The following ZNF433 variants were observed in gnomAD, a reference collection of about 807,000 sequenced individuals.
ZNF433 encodes the protein zinc finger protein 433.
Under a neutral mutation model 10.6 loss-of-function variants are expected in ZNF433, and 12 were observed. The observed-to-expected ratio is 1.13, with a 90% CI of 0.72 to 1.83. ZNF433 has a LOEUF of 1.83. Ranked by LOEUF, ZNF433 falls within the 40% of genes most tolerant of loss-of-function variation. The probability of loss-of-function intolerance (pLI) is 0.00; values close to 1 mark genes in which losing one functional copy is unlikely to be tolerated. For missense variants in ZNF433, 737 were observed against 798.0 expected (o/e 0.92, Z 0.92); for synonymous variants, 272 against 271.3 (o/e 1.00, Z -0.02).
chr19:12,026,423 A>C, intron 1 of ZNF433: 1 of 304,506 alleles, frequency 3.3e-6, no homozygotes. Context: ...ACAACCAGTC[A>C]CAATGAGTAA....
intron 1 of ZNF433, among the ~76,000 whole-genome samples, chr19:12,019,315 G>A (rs1974376120): frequency 6.6e-6 from 1 of 152,014 alleles, no homozygotes; most frequent in African/African-American, 2.4e-5. Context: ...CACTACTTGG[G>A]AGGCTGGGGC....
intron 1 of ZNF433, 104 bp from the exon 2 acceptor site, chr19:12,018,396 A>T (rs1974322265): frequency 7.4e-7 from 1 of 1,359,742 alleles, no homozygotes; most frequent in African/African-American, 1.5e-5. Context: ...GACTCAAAAC[A>T]ATTATTCCAT....
chr19:12,031,485 A>G (rs1368129456), intron 1 of ZNF433, among the ~76,000 whole-genome samples: 1 of 151,802 alleles, frequency 6.6e-6, no homozygotes, highest in Non-Finnish European at 1.5e-5. Flanking sequence ...CCCCTTCTCA[A>G]CTAAAAAAAA....
At chr19:12,029,934 T>A (rs1007143005) in intron 1 of ZNF433, among the ~76,000 whole-genome samples, 3 of 151,452 alleles carry the variant, frequency 2.0e-5, no homozygotes, top group African/African-American at 7.3e-5. Context: ...TACAAAAAAT[T>A]AGCTGGGCAC....
chr19:12,034,140 T>A (rs1261659176), intron 1 of ZNF433, among the ~76,000 whole-genome samples: 1 of 152,240 alleles, frequency 6.6e-6, no homozygotes, highest in Non-Finnish European at 1.5e-5. Context: ...TACTAACTTA[T>A]GTGACGGTAT....
chr19:12,020,180 G>A (rs1218964590), intron 1 of ZNF433, among the ~76,000 whole-genome samples: 1 of 152,144 alleles, frequency 6.6e-6, no homozygotes, highest in Non-Finnish European at 1.5e-5. Context: ...GCTGAGGCAG[G>A]AGAATCACTT....
At chr19:12,021,361 T>C (rs796509398) in intron 1 of ZNF433, among the ~76,000 whole-genome samples, 4 of 152,296 alleles carry the variant, frequency 2.6e-5, no homozygotes, top group African/African-American at 9.6e-5. Flanking sequence ...AGCCCAGTTA[T>C]AGCAAAAAGC....
intron 1 of ZNF433, among the ~76,000 whole-genome samples, chr19:12,035,228 C>A (rs1242352442): frequency 6.6e-6 from 1 of 152,214 alleles, no homozygotes; most frequent in African/African-American, 2.4e-5. Context: ...AGGCGGGATC[C>A]CCCCATGACC....
chr19:12,019,404 C>T lies in ZNF433; in HGVS notation c.4-1112G>A, dbSNP rs147770888. 5.9e-5 allele frequency among the ~76,000 whole-genome samples: 9 copies of T among 152,100 alleles called. No homozygotes were observed. In the East Asian group the frequency reaches 1.7e-3, roughly 29 times the overall value. On this transcript the variant is annotated intron_variant, in intron 1 of 3. Transcript: ENST00000550507. ...CACTGCACTCCAGCTTGGGCAACAG[C>T]AAGACTCCATCACAAAAAAACCACT... is the stretch of plus-strand genomic sequence containing the variant.
Position 12,014,755 on chromosome 19 carries a change from T to A in ZNF433, c.*90A>T, listed in dbSNP as rs1171941261. The A allele has an allele frequency of 1.1e-5, 10 of 949,362 alleles. No homozygotes were observed. Among genetic ancestry groups the A allele is most frequent in the Middle Eastern group, 3.3e-4 (1 of 3,008 alleles). The allele number at this position is 949,362 out of a possible 1,614,324, so 58.8% of individuals were successfully genotyped here. On this transcript the variant is annotated 3_prime_UTR_variant, in exon 4 of 4. Coordinates refer to ENST00000550507, the MANE Select transcript of ZNF433 (RefSeq NM_001308348.2). ...AGTCTTTTTATTTATTTATTTAATT[T>A]TTATAACAGAGTCTCACTATGTTGC...
At chr19:12,027,928 G>A (rs1010387352) in intron 1 of ZNF433, 2 of 152,146 alleles carry the variant, frequency 1.3e-5, no homozygotes, top group Non-Finnish European at 2.9e-5. Flanking sequence ...ATAGCAACCA[G>A]TATTCCCAGG....
chr19:12,020,041 G>C (rs2145423519), intron 1 of ZNF433, among the ~76,000 whole-genome samples: 1 of 152,354 alleles, frequency 6.6e-6, no homozygotes, highest in Non-Finnish European at 1.5e-5. Context: ...GGAGTCCGAG[G>C]TGGGCGGATG....
rs1568330128 is a variant in ZNF433, at chr19:12,016,391, G to A, written c.467C>T (p.Thr156Ile). ...KPFNCLSSVQ[T>I]HERAHSGRKL... Reference sequence around the variant, plus strand: ...CCTTCCACTATGAGCCCTTTCATGTGTCTGAACAGAGGAGAGACAGTTGAA... The same window carrying A: ...CCTTCCACTATGAGCCCTTTCATGTATCTGAACAGAGGAGAGACAGTTGAA... The change falls in exon 4 of 4, where the codon ACA becomes ATA. Residue 156 changes from threonine (T) to isoleucine (I), a missense_variant. By Grantham distance (89) the Thr-to-Ile change is moderately conservative. Coordinates refer to ENST00000550507, the MANE Select transcript of ZNF433 (RefSeq NM_001308348.2). The A allele has an allele frequency of 6.2e-7, 1 of 1,614,104 alleles. No homozygotes were observed. Among genetic ancestry groups the A allele is most frequent in the Non-Finnish European group, 8.5e-7 (1 of 1,180,022 alleles).
intron 1 of ZNF433, chr19:12,022,097 G>C (rs1974524625): frequency 2.3e-6 from 1 of 436,542 alleles, no homozygotes; most frequent in South Asian, 1.6e-5. Flanking sequence ...GTTCGTGATG[G>C]CCATGACACC....
At chr19:12,017,463 A>G (rs1056591950) in intron 3 of ZNF433, among the ~76,000 whole-genome samples, 1 of 152,186 alleles carries the variant, frequency 6.6e-6, no homozygotes, top group African/African-American at 2.4e-5. Flanking sequence ...TCGGCCTTCC[A>G]AAGTGCTGGG....
chr19:12,018,405 A>G (rs1599354340), intron 1 of ZNF433, 113 bp from the exon 2 acceptor site: 2 of 1,295,888 alleles, frequency 1.5e-6, no homozygotes, highest in Non-Finnish European at 2.1e-6. Context: ...CAATTATTCC[A>G]TGACCATCAG....
At chr19:12,032,381 A>G (rs1393724003) in intron 1 of ZNF433, among the ~76,000 whole-genome samples, 1 of 152,120 alleles carries the variant, frequency 6.6e-6, no homozygotes, top group Non-Finnish European at 1.5e-5. Flanking sequence ...CTATAACATC[A>G]TTGGAAATCA....
intron 1 of ZNF433, chr19:12,030,200 T>G (rs1239600081): frequency 2.3e-6 from 1 of 442,368 alleles, no homozygotes; most frequent in South Asian, 1.6e-5. Flanking sequence ...CTTCCAGAAC[T>G]GTCAGAAAGA....
chr19:12,015,322 G>A lies in ZNF433; in HGVS notation c.1536C>T (p.Phe512=), dbSNP rs1974113219. The A allele has an allele frequency of 6.2e-7, 1 of 1,611,772 alleles. No homozygotes were observed. Among genetic ancestry groups the A allele is most frequent in the Admixed American group, 1.7e-5 (1 of 59,764 alleles). The part of the protein sequence containing the change: ...TYECKQCGRS[F]NCSSSFRYHG... ...GATATCGAAAGGAGCTCGAACAGTTGAAGGATCTGCCACACTGCTTGCATT... is the reference window on the plus strand; with the variant it reads ...GATATCGAAAGGAGCTCGAACAGTTAAAGGATCTGCCACACTGCTTGCATT... The change falls in exon 4 of 4, where the codon TTC becomes TTT. Residue 512 remains phenylalanine, a synonymous_variant. Coordinates refer to ENST00000550507, the MANE Select transcript of ZNF433 (RefSeq NM_001308348.2).
Sources: allele counts gnomAD v4.1 joint callset (sites outside exome capture counted in the v4.1 genomes callset), GRCh38; gene constraint gnomAD v4.1.1; transcripts MANE v1.5; gene names NCBI Gene and HGNC (gene_info 2026-07-23, HGNC 2026-07-21).